Variants in GABRG3 observed in about 807,000 individuals in gnomAD.
The protein encoded by GABRG3 is gamma-aminobutyric acid receptor subunit gamma-3.
A neutral mutation model predicts 48.8 loss-of-function variants in GABRG3; 25 were observed. The ratio of observed to expected loss-of-function variants is 0.51; its 90% confidence interval spans 0.37 to 0.72. GABRG3 has a LOEUF of 0.72. Ranked by LOEUF, GABRG3 falls within the 30% of genes least tolerant of loss-of-function variation. The pLI is 0.00. For missense variants in GABRG3, 394 were observed against 577.9 expected (o/e 0.68, Z 3.26); for synonymous variants, 227 against 217.6 (o/e 1.04, Z -0.38).
intron 3 of GABRG3, among the ~76,000 whole-genome samples, chr15:27,077,377 G>A (rs760817041): frequency 4.6e-5 from 7 of 152,104 alleles, no homozygotes; most frequent in Middle Eastern, 3.2e-3. Flanking sequence ...GCCACACACC[G>A]GCTTGTTAGG....
At chr15:27,066,383 T>C (rs1463397419) in intron 3 of GABRG3, among the ~76,000 whole-genome samples, 1 of 152,150 alleles carries the variant, frequency 6.6e-6, no homozygotes, top group East Asian at 1.9e-4. Context: ...AGCGTTGCTG[T>C]TGAATGGTCT....
At chr15:27,264,400 T>C (rs933488219) in intron 3 of GABRG3, among the ~76,000 whole-genome samples, 5 of 152,082 alleles carry the variant, frequency 3.3e-5, no homozygotes, top group Admixed American at 3.3e-4. Context: ...TATCCCCTTA[T>C]AAAATACTAT....
intron 2 of GABRG3, among the ~76,000 whole-genome samples, chr15:26,988,811 G>GTA (rs1895196873): frequency 6.6e-6 from 1 of 151,698 alleles, no homozygotes; most frequent in African/African-American, 2.4e-5. Flanking sequence ...TTATAGTATT[G>GTA]TATACATTTT....
chr15:27,096,601 C>T (rs1260867512), intron 3 of GABRG3, among the ~76,000 whole-genome samples: 1 of 152,136 alleles, frequency 6.6e-6, no homozygotes, highest in Non-Finnish European at 1.5e-5. Flanking sequence ...ATTTTTGTAT[C>T]TTCTGGGAGG....
chr15:26,997,454 T>C (rs563274013), intron 2 of GABRG3, among the ~76,000 whole-genome samples: 1 of 152,316 alleles, frequency 6.6e-6, no homozygotes, highest in East Asian at 1.9e-4. Context: ...ATAACAACTC[T>C]AGATAATAAT....
chr15:27,110,665 G>A (rs1041360526), intron 3 of GABRG3, among the ~76,000 whole-genome samples: 38 of 151,728 alleles, frequency 2.5e-4, no homozygotes, highest in African/African-American at 8.2e-4. Context: ...TTAAGTTGGT[G>A]AGTTTTTTTT....
intron 3 of GABRG3, among the ~76,000 whole-genome samples, chr15:27,129,486 T>A (rs1332191629): frequency 6.6e-6 from 1 of 152,226 alleles, no homozygotes; most frequent in Admixed American, 6.5e-5. Context: ...TTCTGGTTAT[T>A]GTGAATAATG....
chr15:27,381,284 G>A (rs974778642), intron 5 of GABRG3, among the ~76,000 whole-genome samples: 13 of 152,198 alleles, frequency 8.5e-5, no homozygotes, highest in South Asian at 2.1e-4. Flanking sequence ...GGTAGGCCTC[G>A]TTAAGAACAG....
chr15:27,249,895 G>A (rs1164497044), intron 3 of GABRG3, among the ~76,000 whole-genome samples: 1 of 152,184 alleles, frequency 6.6e-6, no homozygotes. Flanking sequence ...ATCATAATGT[G>A]TGGAGGTGGA....
intron 3 of GABRG3, among the ~76,000 whole-genome samples, chr15:27,263,789 G>A (rs1161709766): frequency 6.6e-6 from 1 of 152,054 alleles, no homozygotes; most frequent in Admixed American, 6.6e-5. Context: ...ATAAATTGCA[G>A]TGGTAAAACG....
At chr15:27,325,897 T>C (rs8029122) in intron 3 of GABRG3, among the ~76,000 whole-genome samples, 15,764 of 152,192 alleles carry the variant, frequency 0.1, 1,963 homozygotes, top group African/African-American at 0.3. Context: ...AAAAGTAATA[T>C]GTTTATAATA....
intron 3 of GABRG3, among the ~76,000 whole-genome samples, chr15:27,238,147 C>CT (rs1470008598): frequency 1.0e-5 from 1 of 100,410 alleles, no homozygotes; most frequent in Non-Finnish European, 2.7e-5. Flanking sequence ...ATTCTTGCTT[C>CT]TTTTTTTCTT....
chr15:27,013,651 A>C (rs1227364355), intron 2 of GABRG3, among the ~76,000 whole-genome samples: 1 of 152,098 alleles, frequency 6.6e-6, no homozygotes, highest in African/African-American at 2.4e-5. Context: ...TAGTCTTGGC[A>C]TCATTGTTGA....
At chr15:27,344,589 G>T (rs2140530873) in intron 5 of GABRG3, among the ~76,000 whole-genome samples, 1 of 152,184 alleles carries the variant, frequency 6.6e-6, no homozygotes, top group South Asian at 2.1e-4. Flanking sequence ...TTTGATCATT[G>T]TATCAAATTC....
chr15:27,122,080 C>T (rs1897740816), intron 3 of GABRG3, among the ~76,000 whole-genome samples: 1 of 152,140 alleles, frequency 6.6e-6, no homozygotes, highest in African/African-American at 2.4e-5. Context: ...AATAATTGTA[C>T]ATTTTAAAAT....
chr15:27,454,943 ATC>A (rs1453706621), intron 5 of GABRG3, among the ~76,000 whole-genome samples: 1 of 152,192 alleles, frequency 6.6e-6, no homozygotes, highest in Non-Finnish European at 1.5e-5. Flanking sequence ...GTCATTATTC[ATC>A]TCTTTTTCTC....
chr15:27,278,484 C>G (rs534931547), intron 3 of GABRG3, among the ~76,000 whole-genome samples: 1 of 152,166 alleles, frequency 6.6e-6, no homozygotes, highest in Non-Finnish European at 1.5e-5. Flanking sequence ...CATGCCACCC[C>G]CCATCCCTAA....
chr15:27,178,440 A>G (rs770667603), intron 3 of GABRG3, among the ~76,000 whole-genome samples: 5 of 152,228 alleles, frequency 3.3e-5, no homozygotes, highest in Non-Finnish European at 5.9e-5. Flanking sequence ...GATAAGTATT[A>G]TTCACTCATT....
chr15:27,503,983 C>T (rs1890703626), intron 6 of GABRG3, among the ~76,000 whole-genome samples: 1 of 152,116 alleles, frequency 6.6e-6, no homozygotes, highest in African/African-American at 2.4e-5. Flanking sequence ...TTAATATAGG[C>T]TCTTGAGCTT....
Sources: gnomAD v4.1 joint callset for allele counts (sites outside exome capture counted in the v4.1 genomes callset) on GRCh38, gnomAD v4.1.1 for gene constraint, MANE v1.5 for transcripts, NCBI Gene and HGNC (gene_info 2026-07-23, HGNC 2026-07-21) for gene names.